ASNS: variants seen among roughly 807,000 people sequenced by gnomAD.
The protein encoded by ASNS is asparagine synthetase (glutamine-hydrolyzing).
A neutral mutation model predicts 62.6 loss-of-function variants in ASNS; 37 were observed. The ratio of observed to expected loss-of-function variants is 0.59; its 90% CI spans 0.45 to 0.78. ASNS has a LOEUF of 0.78. ASNS is among the 30% of genes least tolerant of loss of function. The pLI, the probability that ASNS is intolerant of heterozygous loss-of-function variation, is 0.00. For synonymous variants in ASNS, 207 were observed against 237.9 expected, an observed-to-expected ratio of 0.87 and a Z score of 1.19; for missense variants, 520 against 682.4, an observed-to-expected ratio of 0.76 and a Z score of 2.65.
intron 8 of ASNS, among the ~76,000 whole-genome samples, 188 bp downstream of exon 8, chr7:97,856,502 T>C (rs1791441226): frequency 6.6e-6 from 1 of 152,216 alleles, no homozygotes; most frequent in South Asian, 2.1e-4. Context: ...GTATTTACTA[T>C]TCCCTTCACT....
At chr7:97,888,400 G>A in the ASNS span, among the ~76,000 whole-genome samples, 2 of 151,106 alleles carry the variant, frequency 1.3e-5, no homozygotes, top group East Asian at 3.9e-4. Flanking sequence ...AAACAGGGTT[G>A]GCCAACTATA....
the ASNS span, among the ~76,000 whole-genome samples, chr7:97,889,927 C>CAAAAAAAAAAAAAAAAA: frequency 4.4e-3 from 169 of 38,570 alleles, no homozygotes; most frequent in East Asian, 5.8e-3. Context: ...ATAATGAATA[C>CAAAAAAAAAAAAAAAAA]AAAAAAAAAA....
the ASNS span, among the ~76,000 whole-genome samples, chr7:97,914,654 G>A: frequency 2.0e-5 from 3 of 152,130 alleles, no homozygotes; most frequent in African/African-American, 4.8e-5. Context: ...CACCCTCTTC[G>A]TTCCACCTGC....
chr7:97,852,394 G>A lies in ASNS; in HGVS notation c.1551C>T (p.Tyr517=). 6.2e-7 allele frequency: 1 copy of A among 1,614,148 alleles called. No individual in the cohort carries two copies. ...AATGGCGTTCAAAGACTTGACGGTA[G>A]TAATATCCTTCTTTGGTTTTAGGAG... is the stretch of plus-strand genomic sequence containing the variant. ...FNTPKTKEGY[Y]YRQVFERHYP... The change falls in exon 13 of 13, where the codon TAC becomes TAT. Residue 517 remains tyrosine, a synonymous_variant. Transcript: ENST00000394308.
chr7:97,923,056 C>T, the ASNS span, among the ~76,000 whole-genome samples: 1 of 152,130 alleles, frequency 6.6e-6, no homozygotes, highest in African/African-American at 2.4e-5. Flanking sequence ...TGCCAAAGTG[C>T]TGGGATTACA....
chr7:97,870,304 T>C, intron 1 of ASNS: 2 of 529,008 alleles, frequency 3.8e-6, no homozygotes, highest in Non-Finnish European at 3.3e-6. Context: ...ACAAGATGTT[T>C]TAATTAAAAC....
At chr7:97,894,360 A>G in the ASNS span, among the ~76,000 whole-genome samples, 1 of 141,952 alleles carries the variant, frequency 7.0e-6, no homozygotes, top group African/African-American at 2.6e-5. Flanking sequence ...AAGAAAAAAT[A>G]TAAATAACAT....
At chr7:97,884,338 C>T in the ASNS span, among the ~76,000 whole-genome samples, 2 of 152,218 alleles carry the variant, frequency 1.3e-5, no homozygotes, top group Non-Finnish European at 2.9e-5. Context: ...CACCTGAGAT[C>T]ACGAGTTCGA....
chr7:97,859,210 T>A lies in ASNS; in HGVS notation c.673+3A>T, dbSNP rs1177740564. 6.2e-7 allele frequency: 1 copy of A among 1,600,104 alleles called. No homozygotes were observed. The highest frequency in any genetic ancestry group is 1.3e-5 in the African/African-American group (1 of 74,620). On this transcript the variant is annotated splice_donor_region_variant and intron_variant, in intron 5 of 12. Coordinates refer to ENST00000394308, the MANE Select transcript of ASNS (RefSeq NM_001673.5). ...GGGGAATAGGTGGGTGGGTGTCTGC[T>A]ACCTGGAAAGAGTTTCTCCACATTG...
chr7:97,887,488 G>C, the ASNS span, among the ~76,000 whole-genome samples: 3 of 151,434 alleles, frequency 2.0e-5, no homozygotes, highest in South Asian at 6.2e-4. Context: ...CCCTAATGTT[G>C]AGTTTTGAAT....
the ASNS span, among the ~76,000 whole-genome samples, chr7:97,912,517 T>C: frequency 6.6e-6 from 1 of 151,068 alleles, no homozygotes; most frequent in Admixed American, 6.6e-5. Flanking sequence ...CAACAATCTT[T>C]GACAAATTGC....
At chr7:97,895,490 A>G in the ASNS span, among the ~76,000 whole-genome samples, 1 of 152,220 alleles carries the variant, frequency 6.6e-6, no homozygotes, top group Non-Finnish European at 1.5e-5. Flanking sequence ...AGACTCTACC[A>G]AAAAACTCTT....
intron 1 of ASNS, among the ~76,000 whole-genome samples, chr7:97,871,327 G>A (rs1792246309): frequency 6.6e-6 from 1 of 152,162 alleles, no homozygotes; most frequent in African/African-American, 2.4e-5. Flanking sequence ...CTACCGAACT[G>A]GACATGGCAG....
chr7:97,862,366 T>A (rs1478877431), intron 4 of ASNS, among the ~76,000 whole-genome samples: 1 of 152,096 alleles, frequency 6.6e-6, no homozygotes, highest in African/African-American at 2.4e-5. Context: ...AAAAGCTACA[T>A]ACTATATGAT....
At chr7:97,886,081 T>C in the ASNS span, 1 of 510,178 alleles carries the variant, frequency 2.0e-6, no homozygotes, top group Non-Finnish European at 3.7e-6. Flanking sequence ...CAGATAAGGA[T>C]AGAGGGGAGG....
At chr7:97,885,770 T>G in the ASNS span, 1 of 241,264 alleles carries the variant, frequency 4.1e-6, no homozygotes, top group African/African-American at 2.2e-5. Context: ...CAGGTCAACA[T>G]GTATAAAATA....
chr7:97,913,979 G>C, the ASNS span, among the ~76,000 whole-genome samples: 5 of 151,746 alleles, frequency 3.3e-5, no homozygotes. Flanking sequence ...CGGGTAGGGG[G>C]ATAGATGGGT....
At chr7:97,876,973 C>T (rs200236746), upstream of ASNS, among the ~76,000 whole-genome samples, 1 of 152,118 alleles carries the variant, frequency 6.6e-6, no homozygotes, top group South Asian at 2.1e-4. Flanking sequence ...CTTTCCTGAG[C>T]CTCAGACTCA....
chr7:97,860,360 T>A (rs887957739), intron 4 of ASNS, among the ~76,000 whole-genome samples: 3 of 152,192 alleles, frequency 2.0e-5, no homozygotes, highest in African/African-American at 7.2e-5. Flanking sequence ...AAAAGAACAA[T>A]TAAGGAATTT....
Sources: gnomAD v4.1 joint callset for allele counts (sites outside exome capture counted in the v4.1 genomes callset) on GRCh38, gnomAD v4.1.1 for gene constraint, MANE v1.5 for transcripts, NCBI Gene and HGNC (gene_info 2026-07-23, HGNC 2026-07-21) for gene names.